Variants in PRKCE observed in about 807,000 individuals in gnomAD.
The protein encoded by PRKCE is protein kinase C epsilon.
PRKCE carries 16 observed loss-of-function variants against 85.4 expected under a neutral mutation model. The ratio of observed to expected loss-of-function variants is 0.19; its 90% CI spans 0.13 to 0.28. The LOEUF (loss-of-function observed/expected upper bound fraction) is 0.28. Ranked by LOEUF, PRKCE falls within the 10% of genes least tolerant of loss-of-function variation. PRKCE has a pLI of 1.00. For synonymous variants in PRKCE, 388 were observed against 371.5 expected (o/e 1.04, Z -0.51); for missense variants, 573 against 975.2 (o/e 0.59, Z 5.49).
At chr2:45,884,437 C>G (rs72801093) in intron 2 of PRKCE, among the ~76,000 whole-genome samples, 26,529 of 152,166 alleles carry the variant, frequency 0.17, 2,797 homozygotes, top group Non-Finnish European at 0.24. Context: ...ACCAGATCTC[C>G]CTGTTCTGCA....
chr2:45,748,473 G>A (rs190918207), intron 1 of PRKCE, among the ~76,000 whole-genome samples: 1 of 152,142 alleles, frequency 6.6e-6, no homozygotes, highest in Non-Finnish European at 1.5e-5. Context: ...TTAAAGAAAC[G>A]CCTGTGCCTG....
chr2:46,113,984 T>C (rs1672510502), intron 11 of PRKCE, among the ~76,000 whole-genome samples: 1 of 152,222 alleles, frequency 6.6e-6, no homozygotes. Flanking sequence ...TTCATTATTT[T>C]CCTCTTATAT....
intron 1 of PRKCE, among the ~76,000 whole-genome samples, chr2:45,711,829 C>T (rs529138140): frequency 3.3e-5 from 5 of 152,102 alleles, no homozygotes; most frequent in East Asian, 3.9e-4. Flanking sequence ...TTCACTATGT[C>T]GGTCAGGATG....
intron 10 of PRKCE, among the ~76,000 whole-genome samples, chr2:46,079,577 T>C (rs1311655080): frequency 1.3e-5 from 2 of 152,210 alleles, no homozygotes; most frequent in Non-Finnish European, 2.9e-5. Context: ...ATATGGTACA[T>C]TGGAGAAACT....
chr2:45,687,067 A>T (rs1320283473), intron 1 of PRKCE, among the ~76,000 whole-genome samples: 1 of 152,152 alleles, frequency 6.6e-6, no homozygotes, highest in Non-Finnish European at 1.5e-5. Flanking sequence ...AACACAAACC[A>T]TGGAAATCAA....
chr2:45,937,726 AAAAG>A (rs976542705), intron 2 of PRKCE, among the ~76,000 whole-genome samples: 12 of 152,202 alleles, frequency 7.9e-5, no homozygotes, highest in African/African-American at 2.2e-4. Flanking sequence ...AAGAAAAAAA[AAAAG>A]AAAGAAAACT....
At chr2:45,863,213 T>C (rs1300802710) in intron 2 of PRKCE, among the ~76,000 whole-genome samples, 4 of 152,136 alleles carry the variant, frequency 2.6e-5, no homozygotes, top group Admixed American at 2.0e-4. Context: ...GGGTCTAGGA[T>C]ACTTTGGTAG....
At chr2:45,916,941 T>G (rs1003800881) in intron 2 of PRKCE, among the ~76,000 whole-genome samples, 7 of 152,176 alleles carry the variant, frequency 4.6e-5, no homozygotes, top group African/African-American at 1.7e-4. Flanking sequence ...ACTGCAGACC[T>G]TCCCAGTGTT....
chr2:46,136,228 G>A (rs754628266), intron 11 of PRKCE, among the ~76,000 whole-genome samples: 6 of 152,156 alleles, frequency 3.9e-5, no homozygotes, highest in Non-Finnish European at 8.8e-5. Context: ...TGGAAAACGA[G>A]CGAAGAATAA....
chr2:45,977,719 C>A (rs1702571650), intron 3 of PRKCE, among the ~76,000 whole-genome samples: 1 of 152,032 alleles, frequency 6.6e-6, no homozygotes, highest in African/African-American at 2.4e-5. Context: ...CTAACAATAC[C>A]CAGGCTCAGA....
intron 10 of PRKCE, among the ~76,000 whole-genome samples, chr2:46,085,112 T>C (rs1408538018): frequency 6.6e-6 from 1 of 152,116 alleles, no homozygotes; most frequent in Non-Finnish European, 1.5e-5. Flanking sequence ...CTTAGCACCC[T>C]AGGAGCTTAG....
intron 10 of PRKCE, among the ~76,000 whole-genome samples, chr2:46,033,685 T>A (rs1220557567): frequency 6.6e-6 from 1 of 152,194 alleles, no homozygotes; most frequent in Non-Finnish European, 1.5e-5. Context: ...TTGAAAAAGA[T>A]CTGTAAGCTA....
At chr2:45,738,214 G>A (rs903295179) in intron 1 of PRKCE, among the ~76,000 whole-genome samples, 1 of 152,180 alleles carries the variant, frequency 6.6e-6, no homozygotes, top group African/African-American at 2.4e-5. Context: ...TAGTTTTAAT[G>A]ATGTTATTTT....
At chr2:45,995,697 C>G (rs1704157322) in intron 6 of PRKCE, among the ~76,000 whole-genome samples, 1 of 152,180 alleles carries the variant, frequency 6.6e-6, no homozygotes, top group Non-Finnish European at 1.5e-5. Context: ...TTCCATTGAT[C>G]TATTTGTCTG....
intron 1 of PRKCE, among the ~76,000 whole-genome samples, chr2:45,824,439 G>A (rs763868427): frequency 1.3e-4 from 20 of 152,280 alleles, no homozygotes; most frequent in Non-Finnish European, 1.9e-4. Context: ...TAAGCGGGGC[G>A]TGTTGTGTCC....
chr2:45,993,321 G>A (rs1033069957), intron 6 of PRKCE, among the ~76,000 whole-genome samples: 4 of 152,206 alleles, frequency 2.6e-5, no homozygotes, highest in African/African-American at 7.2e-5. Flanking sequence ...AGAGTAACTG[G>A]AGCTCCCCTT....
At chr2:45,732,277 T>C (rs1218432439) in intron 1 of PRKCE, among the ~76,000 whole-genome samples, 1 of 152,152 alleles carries the variant, frequency 6.6e-6, no homozygotes, top group Non-Finnish European at 1.5e-5. Context: ...GGTTTTTCTA[T>C]AGGTGAGCCC....
At chr2:46,163,428 A>G (rs13008042) in intron 14 of PRKCE, among the ~76,000 whole-genome samples, 104 of 80,798 alleles carry the variant, frequency 1.3e-3, no homozygotes, top group South Asian at 3.1e-3. Context: ...AGAGGCCACT[A>G]AGAGACACAG....
At chr2:45,940,331 T>G (rs891464600) in intron 2 of PRKCE, among the ~76,000 whole-genome samples, 2 of 152,166 alleles carry the variant, frequency 1.3e-5, no homozygotes, top group East Asian at 3.9e-4. Flanking sequence ...GCTACTGGGA[T>G]TTGGGAAACA....
Sources: gnomAD v4.1 joint callset for allele counts (sites outside exome capture counted in the v4.1 genomes callset) on GRCh38, gnomAD v4.1.1 for gene constraint, MANE v1.5 for transcripts, NCBI Gene and HGNC (gene_info 2026-07-23, HGNC 2026-07-21) for gene names.